ESF1: variants seen among roughly 807,000 people sequenced by gnomAD.
ESF1 encodes ESF1 nucleolar pre-rRNA processing protein, also known as ESF1 homolog.
In ESF1, 58 loss-of-function variants were observed where a neutral mutation model predicts 92.0. That is an observed-to-expected ratio of 0.63 (90% CI 0.51 to 0.78). The LOEUF is 0.78. Among genes scored for constraint, ESF1 ranks in the 30% least tolerant of loss-of-function variants. The pLI is 0.00. For synonymous variants in ESF1, 321 were observed against 313.7 expected (o/e 1.02, Z -0.24); for missense variants, 922 against 989.1 (o/e 0.93, Z 0.91).
chr20:13,774,874 G>T (rs930740526), intron 4 of ESF1, among the ~76,000 whole-genome samples: 1 of 152,096 alleles, frequency 6.6e-6, no homozygotes, highest in Non-Finnish European at 1.5e-5. Context: ...AATAAGGAAT[G>T]CAATTTATTG....
At chr20:13,748,657 G>C (rs1051904146) in intron 9 of ESF1, among the ~76,000 whole-genome samples, 10 of 147,378 alleles carry the variant, frequency 6.8e-5, no homozygotes, top group Non-Finnish European at 1.2e-4. Flanking sequence ...GCGCGATCTT[G>C]GCTCACTGCA....
intron 11 of ESF1, among the ~76,000 whole-genome samples, chr20:13,720,071 G>A (rs2049856930): frequency 6.6e-6 from 1 of 152,108 alleles, no homozygotes; most frequent in Admixed American, 6.6e-5. Context: ...GGTAAAACAG[G>A]GATCTGGAAG....
intron 9 of ESF1, among the ~76,000 whole-genome samples, chr20:13,751,013 G>A (rs546970843): frequency 6.6e-6 from 1 of 152,298 alleles, no homozygotes; most frequent in African/African-American, 2.4e-5. Context: ...GAGACACGAA[G>A]ATGCTATACT....
In ESF1 at chr20:13,717,531, A is replaced by G. The variant is rs1307435208; in HGVS notation, c.2116-17T>C. On this transcript the variant is annotated splice_polypyrimidine_tract_variant and intron_variant, in intron 12 of 13. Coordinates refer to ENST00000617257, the MANE Select transcript of ESF1 (RefSeq NM_001276380.2). ...CATTTCAGCCTGTAGAGAGCAAAAAAAAGTTCAAATGTACAACAGTGCTTT... is the reference window on the plus strand; with the variant it reads ...CATTTCAGCCTGTAGAGAGCAAAAAGAAGTTCAAATGTACAACAGTGCTTT... The G allele has an allele frequency of 3.7e-6, 6 of 1,611,930 alleles. No homozygotes were observed. Among genetic ancestry groups the G allele is most frequent in the Non-Finnish European group, 5.1e-6 (6 of 1,179,726 alleles).
chr20:13,739,820 AT>A (rs1227270206), intron 9 of ESF1, among the ~76,000 whole-genome samples: 3 of 152,066 alleles, frequency 2.0e-5, no homozygotes, highest in Admixed American at 6.5e-5. Flanking sequence ...ATGGTCTTAT[AT>A]GGATCTTTGG....
Position 13,770,019 on chromosome 20 carries a change from A to ATC in ESF1, c.1405_1406insGA (p.Phe469Ter). The change falls in exon 7 of 14, where the codon TTT becomes TGATT. Residue 469 changes from phenylalanine (F) to a stop codon, truncating the protein, a stop_gained and frameshift_variant and splice_region_variant. Coordinates refer to ENST00000617257, the MANE Select transcript of ESF1 (RefSeq NM_001276380.2). LOFTEE classifies it high-confidence loss of function. ...ESSCSFIDLR[F>*]IPDDITFDDE... ...ATCAAAAGTAATATCATCTGGTATAAACCTAAGAAGTAAAGAAAAAAAATT... is the reference window on the plus strand; with the variant it reads ...ATCAAAAGTAATATCATCTGGTATAATCACCTAAGAAGTAAAGAAAAAAAATT... 1.9e-6 allele frequency: 3 copies of ATC among 1,590,634 alleles called. No homozygotes were observed. Among genetic ancestry groups the ATC allele is most frequent in the Non-Finnish European group, 2.6e-6 (3 of 1,167,694 alleles).
chr20:13,759,777 T>C lies in ESF1; in HGVS notation c.1743A>G (p.Lys581=), dbSNP rs775691786. The part of the protein sequence containing the change: ...SQKDDEEQIA[K]YRQLLQVIQE... ...GAATAACCTGCAAGAGCTGCCTGTATTTAGCAATTTGTTCTTCATCATCCT... is the reference window on the plus strand; with the variant it reads ...GAATAACCTGCAAGAGCTGCCTGTACTTAGCAATTTGTTCTTCATCATCCT... The change falls in exon 9 of 14, where the codon AAA becomes AAG. Residue 581 remains lysine (K), a synonymous_variant. Transcript: ENST00000617257. 3.3e-5 allele frequency: 52 copies of C among 1,588,390 alleles called. No individual in the cohort carries two copies. The Middle Eastern group carries it at 1.0e-3, about 30-fold the overall frequency.
At chr20:13,716,887 G>A (rs564931062) in intron 13 of ESF1, among the ~76,000 whole-genome samples, 8 of 138,246 alleles carry the variant, frequency 5.8e-5, no homozygotes, top group South Asian at 2.4e-4. Flanking sequence ...GCGAGATCTC[G>A]GCTCACTGCA....
At chr20:13,731,149 GA>G (rs1373681137) in intron 10 of ESF1, among the ~76,000 whole-genome samples, 1 of 152,122 alleles carries the variant, frequency 6.6e-6, no homozygotes, top group African/African-American at 2.4e-5. Flanking sequence ...CCCAGCAAAT[GA>G]AAATCAAACT....
chr20:13,761,808 CAA>C (rs968736712), intron 8 of ESF1, among the ~76,000 whole-genome samples: 70 of 152,146 alleles, frequency 4.6e-4, no homozygotes, highest in African/African-American at 1.6e-3. Context: ...ACTAATACAC[CAA>C]AAAGTTTGTT....
At chr20:13,731,535 A>G in intron 10 of ESF1, among the ~76,000 whole-genome samples, 1 of 149,496 alleles carries the variant, frequency 6.7e-6, no homozygotes, top group East Asian at 1.9e-4. Flanking sequence ...CGGTCTCAAA[A>G]AAAAAAAAAA....
Position 13,782,984 on chromosome 20 carries a change from C to G in ESF1, c.157G>C (p.Val53Leu), listed in dbSNP as rs767059299. 1 of 1,614,000 alleles carries G rather than the reference C, an allele frequency of 6.2e-7. No homozygotes were observed. Among genetic ancestry groups the G allele is most frequent in the Admixed American group, 1.7e-5 (1 of 59,996 alleles). Reference sequence around the variant, plus strand: ...CTAATGGGGCGCCCTCTTTTATCCACGGCATAGTTCAACTTGAACTTCTTG... The same window carrying G: ...CTAATGGGGCGCCCTCTTTTATCCAGGGCATAGTTCAACTTGAACTTCTTG... ...HDKKFKLNYAVDKRGRPISHS... is the reference protein window; with the variant it reads ...HDKKFKLNYALDKRGRPISHS... The change falls in exon 2 of 14, where the codon GTG becomes CTG. Residue 53 changes from valine (V) to leucine (L), a missense_variant. Transcript: ENST00000617257.
intron 11 of ESF1, among the ~76,000 whole-genome samples, chr20:13,724,844 G>C (rs930375366): frequency 6.6e-6 from 1 of 152,098 alleles, no homozygotes; most frequent in African/African-American, 2.4e-5. Flanking sequence ...ACATGAATGG[G>C]GGCACACAGC....
intron 9 of ESF1, among the ~76,000 whole-genome samples, chr20:13,741,077 G>C (rs917108777): frequency 2.6e-5 from 4 of 151,928 alleles, no homozygotes; most frequent in Middle Eastern, 6.8e-3. Flanking sequence ...ATTCATTTTG[G>C]TCACTGCAAA....
chr20:13,776,219 T>A lies in ESF1; in HGVS notation c.689A>T (p.Asp230Val). 1.9e-6 allele frequency: 3 copies of A among 1,613,740 alleles called. No homozygotes were observed. Among genetic ancestry groups the A allele is most frequent in the Non-Finnish European group, 2.5e-6 (3 of 1,179,868 alleles). The change falls in exon 3 of 14, where the codon GAT becomes GTT. Residue 230 changes from aspartate to valine, a missense_variant. Transcript: ENST00000617257. ...RDSDGYENST[D>V]GEMCDKDALE... The stretch of plus-strand genomic sequence containing the variant: ...AGCATCTTTGTCACACATTTCACCA[T>A]CTGTTGAGTTTTCATAACCATCACT...
At chr20:13,749,899 G>A (rs758708321) in intron 9 of ESF1, among the ~76,000 whole-genome samples, 2 of 152,124 alleles carry the variant, frequency 1.3e-5, no homozygotes, top group East Asian at 3.9e-4. Flanking sequence ...TTTGATTACA[G>A]CTATCCCACC....
intron 9 of ESF1, among the ~76,000 whole-genome samples, chr20:13,757,389 T>A (rs1410235939): frequency 6.6e-6 from 1 of 152,090 alleles, no homozygotes; most frequent in African/African-American, 2.4e-5. Flanking sequence ...TGCCCTACAT[T>A]ACTATGTTTT....
At chr20:13,733,911 T>C in intron 9 of ESF1, 69 bp from the exon 10 acceptor site, 1 of 1,491,530 alleles carries the variant, frequency 6.7e-7, no homozygotes, top group South Asian at 1.4e-5. Context: ...ACATATAATT[T>C]ATAAAGACAA....
intron 1 of ESF1, among the ~76,000 whole-genome samples, chr20:13,784,608 C>G (rs568660610): frequency 6.8e-6 from 1 of 147,594 alleles, no homozygotes; most frequent in Admixed American, 6.7e-5. Context: ...CTCTCTAATT[C>G]GGAGAACACA....
Sources: gnomAD v4.1 joint callset for allele counts (sites outside exome capture counted in the v4.1 genomes callset) on GRCh38, gnomAD v4.1.1 for gene constraint, MANE v1.5 for transcripts, NCBI Gene and HGNC (gene_info 2026-07-23, HGNC 2026-07-21) for gene names.